The following CSF2RA variants were observed in gnomAD, a reference collection of about 807,000 sequenced individuals.
CSF2RA encodes the protein colony stimulating factor 2 receptor subunit alpha, also known as granulocyte-macrophage colony-stimulating factor receptor subunit alpha.
CSF2RA carries 42 observed loss-of-function variants against 51.6 expected under a neutral mutation model. That is an observed-to-expected ratio of 0.81 (90% CI 0.64 to 1.05). CSF2RA has a LOEUF of 1.05. Ranked by LOEUF, CSF2RA falls within the 50% of genes least tolerant of loss-of-function variation. The pLI, the probability that CSF2RA is intolerant of heterozygous loss-of-function variation, is 0.00. For missense variants in CSF2RA, 530 were observed against 501.1 expected, an observed-to-expected ratio of 1.06 and a Z score of -0.55; for synonymous variants, 222 against 193.0, an observed-to-expected ratio of 1.15 and a Z score of -1.24.
chrX:1,318,463 G>A, the CSF2RA span, among the ~76,000 whole-genome samples: 37,981 of 150,918 alleles, frequency 0.25, 5,268 homozygotes, highest in Non-Finnish European at 0.32. Context: ...GCGCCAGGCC[G>A]AAGCTGAACT....
downstream of CSF2RA, among the ~76,000 whole-genome samples, chrX:1,314,319 A>ACACTGCACCTGCCCAACCG (rs2084345654): frequency 6.3e-5 from 4 of 63,990 alleles, 1 homozygote; most frequent in East Asian, 6.2e-4. Context: ...CTGCCCAACC[A>ACACTGCACCTGCCCAACCG]CACTGCACCT....
rs2088955740 is a variant in CSF2RA, at chrX:1,274,834, G to A, written c.-27+16G>A. ...GTAGAACCCTGTACGTGCTTCCTTC[G>A]GCCTGTCGGTAATGTGGTTGGGGAT... On this transcript the variant is annotated intron_variant, in intron 2 of 12. Coordinates refer to ENST00000381529, the MANE Select transcript of CSF2RA (RefSeq NM_172245.4). 2.2e-6 allele frequency: 1 copy of A among 453,436 alleles called. No homozygotes were observed. The highest frequency in any genetic ancestry group is 4.4e-6 in the Non-Finnish European group (1 of 226,682). 28.1% of individuals were successfully genotyped at this position (453,436 alleles called of 1,614,324 possible). A position where few individuals can be genotyped will look rare whatever the true frequency, so the allele number is the denominator to read the frequency against.
chrX:1,290,737 TGC>T (rs1244771590), intron 7 of CSF2RA, among the ~76,000 whole-genome samples: 1 of 151,952 alleles, frequency 6.6e-6, no homozygotes, highest in East Asian at 1.9e-4. Context: ...TGGTGGCGCG[TGC>T]CTGTAATCCC....
chrX:1,322,717 G>T, the CSF2RA span, among the ~76,000 whole-genome samples: 1 of 151,890 alleles, frequency 6.6e-6, no homozygotes, highest in Non-Finnish European at 1.5e-5. Context: ...CCCACTGAGA[G>T]ATTTTCAGGT....
intron 10 of CSF2RA, among the ~76,000 whole-genome samples, chrX:1,301,603 T>C (rs183602920): frequency 0.038 from 5,530 of 144,748 alleles, 156 homozygotes; most frequent in Non-Finnish European, 0.062. Context: ...TTCTTTTTTT[T>C]TTTTTTTTTT....
intron 12 of CSF2RA, among the ~76,000 whole-genome samples, chrX:1,307,002 C>T (rs190144947): frequency 5.3e-5 from 8 of 151,520 alleles, no homozygotes; most frequent in Non-Finnish European, 1.2e-4. Flanking sequence ...ACAGAGGAGT[C>T]GGACTTAGTC....
downstream of CSF2RA, among the ~76,000 whole-genome samples, chrX:1,314,414 G>A (rs747550970): frequency 3.5e-4 from 49 of 140,422 alleles, 2 homozygotes; most frequent in East Asian, 1.1e-3. Context: ...CTGCCTAACC[G>A]TACTGCACCT....
chrX:1,279,843 G>A (rs1420328372), intron 2 of CSF2RA, among the ~76,000 whole-genome samples: 1 of 151,824 alleles, frequency 6.6e-6, no homozygotes, highest in African/African-American at 2.4e-5. Context: ...AGGCTGGAGG[G>A]CAGTGGCGCG....
chrX:1,283,476 CT>C (rs1252165142), intron 3 of CSF2RA, among the ~76,000 whole-genome samples: 12 of 83,546 alleles, frequency 1.4e-4, no homozygotes, highest in East Asian at 9.0e-4. Context: ...CTCCCTCCCT[CT>C]CTCTCTCTCT....
chrX:1,273,767 A>AT (rs1443563028), intron 1 of CSF2RA, among the ~76,000 whole-genome samples: 60,745 of 130,268 alleles, frequency 0.47, 14,667 homozygotes, highest in Non-Finnish European at 0.57. Flanking sequence ...TTTTTTTTGT[A>AT]TTTTTTTTTT....
At chrX:1,272,920 G>T (rs1393313292) in intron 1 of CSF2RA, among the ~76,000 whole-genome samples, 1 of 147,604 alleles carries the variant, frequency 6.8e-6, no homozygotes, top group African/African-American at 2.5e-5. Context: ...CCAAGGTCAA[G>T]CAATTCTCCT....
At chrX:1,315,020 C>T (rs1169787735), downstream of CSF2RA, among the ~76,000 whole-genome samples, 47 of 133,112 alleles carry the variant, frequency 3.5e-4, no homozygotes, top group African/African-American at 1.1e-3. Context: ...ACCTGCCCAA[C>T]CACACTGCAC....
At chrX:1,315,774 GATA>G in the CSF2RA span, among the ~76,000 whole-genome samples, 3 of 3,658 alleles carry the variant, frequency 8.2e-4, no homozygotes, top group African/African-American at 2.3e-3. Flanking sequence ...ATAGATAATA[GATA>G]GATAGATAGA....
chrX:1,284,848 G>A (rs1229030441), intron 3 of CSF2RA, among the ~76,000 whole-genome samples: 1 of 151,808 alleles, frequency 6.6e-6, no homozygotes, highest in Non-Finnish European at 1.5e-5. Context: ...TGTATTTTTA[G>A]TAGAGACAGG....
chrX:1,291,479 C>T (rs1399121016), intron 7 of CSF2RA, among the ~76,000 whole-genome samples: 3 of 151,756 alleles, frequency 2.0e-5, no homozygotes, highest in Non-Finnish European at 2.9e-5. Context: ...CTTCGTGTCC[C>T]AGTGCCCTGC....
intron 3 of CSF2RA, among the ~76,000 whole-genome samples, chrX:1,283,139 C>G (rs188723814): frequency 8.7e-4 from 55 of 62,962 alleles, no homozygotes; most frequent in East Asian, 4.3e-3. Context: ...TCCTTCCTTC[C>G]TTCCTTCCTT....
At chrX:1,270,650 G>GT (rs1440290607) in intron 1 of CSF2RA, among the ~76,000 whole-genome samples, 2 of 151,926 alleles carry the variant, frequency 1.3e-5, no homozygotes, top group Non-Finnish European at 2.9e-5. Flanking sequence ...GGTCTGTTTA[G>GT]TAAACAGTAT....
chrX:1,281,037 A>C (rs186137569), intron 2 of CSF2RA, among the ~76,000 whole-genome samples: 2,859 of 9,472 alleles, frequency 0.3, 26 homozygotes, highest in African/African-American at 0.38. Context: ...CCTCCTCCTC[A>C]TTCTCCTCCT....
At chrX:1,319,988 T>C in the CSF2RA span, among the ~76,000 whole-genome samples, 6 of 139,486 alleles carry the variant, frequency 4.3e-5, no homozygotes, top group South Asian at 2.5e-4. Context: ...CTCTGCCTCC[T>C]GGGTTCACGC....
Sources: gnomAD v4.1 joint callset for allele counts (sites outside exome capture counted in the v4.1 genomes callset) on GRCh38, gnomAD v4.1.1 for gene constraint, MANE v1.5 for transcripts, NCBI Gene and HGNC (gene_info 2026-07-23, HGNC 2026-07-21) for gene names.